KANSL1L: variants seen among roughly 807,000 people sequenced by gnomAD.
The protein encoded by KANSL1L is KAT8 regulatory NSL complex subunit 1-like protein.
Under a neutral mutation model 108.6 loss-of-function variants are expected in KANSL1L, and 25 were observed. The ratio of observed to expected loss-of-function variants is 0.23; its 90% CI spans 0.17 to 0.32. The LOEUF (loss-of-function observed/expected upper bound fraction) is 0.32, where lower values mean the gene tolerates loss of function less well. KANSL1L is among the 10% of genes least tolerant of loss of function. The probability of loss-of-function intolerance (pLI) is 1.00; values close to 1 mark genes in which losing one functional copy is unlikely to be tolerated. For missense variants in KANSL1L, 1,137 were observed against 1,125.7 expected, an observed-to-expected ratio of 1.01 and a Z score of -0.14; for synonymous variants, 405 against 395.1, an observed-to-expected ratio of 1.03 and a Z score of -0.30.
At chr2:210,167,297 T>C (rs984847173) in intron 1 of KANSL1L, among the ~76,000 whole-genome samples, 1 of 152,046 alleles carries the variant, frequency 6.6e-6, no homozygotes, top group African/African-American at 2.4e-5. Flanking sequence ...TACTTTATAT[T>C]CAATGATGTT....
intron 9 of KANSL1L, chr2:210,030,727 A>C (rs1215911488): frequency 6.6e-6 from 1 of 152,044 alleles, no homozygotes. Context: ...GGATCTATAT[A>C]TAAAAATTGG....
intron 5 of KANSL1L, among the ~76,000 whole-genome samples, chr2:210,078,795 T>A (rs184642691): frequency 2.0e-5 from 3 of 152,268 alleles, no homozygotes; most frequent in African/African-American, 7.2e-5. Flanking sequence ...TCTAATGCTT[T>A]TTCCCCAGGA....
At position 210,079,322 on chromosome 2, in the gene KANSL1L, G is replaced by A. The variant is rs188525548; in HGVS notation, c.1551-3566C>T. Reference sequence around the variant, plus strand: ...ATCAAAATATAATTATCGGCTGGGCGCAGTGGCTCACACCTGTAATTCCAG... The same window carrying A: ...ATCAAAATATAATTATCGGCTGGGCACAGTGGCTCACACCTGTAATTCCAG... On this transcript the variant is annotated intron_variant, in intron 5 of 14. Transcript: ENST00000281772. 3.1e-3 allele frequency among the ~76,000 whole-genome samples: 465 copies of A among 151,902 alleles called. 2 individuals are homozygous for A. The highest frequency in any genetic ancestry group is 0.01 in the African/African-American group (434 of 41,416).
intron 8 of KANSL1L, among the ~76,000 whole-genome samples, chr2:210,037,735 A>G (rs1247232849): frequency 1.3e-5 from 2 of 152,172 alleles, no homozygotes; most frequent in Non-Finnish European, 2.9e-5. Flanking sequence ...CTTTTCATCT[A>G]CATATATGTT....
At chr2:210,140,500 T>C (rs183966008) in intron 2 of KANSL1L, among the ~76,000 whole-genome samples, 1 of 152,354 alleles carries the variant, frequency 6.6e-6, no homozygotes, top group Admixed American at 6.5e-5. Context: ...CTCTATTCTG[T>C]TTCATAGGCA....
At chr2:210,045,748 C>CT (rs2094216448) in intron 6 of KANSL1L, among the ~76,000 whole-genome samples, 1 of 152,006 alleles carries the variant, frequency 6.6e-6, no homozygotes, top group African/African-American at 2.4e-5. Context: ...TTTTTCAGTA[C>CT]TTTAAGGATA....
intron 3 of KANSL1L, among the ~76,000 whole-genome samples, chr2:210,106,061 G>T (rs967625763): frequency 6.6e-6 from 1 of 152,154 alleles, no homozygotes; most frequent in African/African-American, 2.4e-5. Flanking sequence ...GAAACCATTT[G>T]ATATAGCCAG....
At chr2:210,134,471 AG>A (rs2095155980) in intron 2 of KANSL1L, among the ~76,000 whole-genome samples, 1 of 152,116 alleles carries the variant, frequency 6.6e-6, no homozygotes. Context: ...ACATATTTTA[AG>A]GGTACTATGA....
intron 5 of KANSL1L, among the ~76,000 whole-genome samples, chr2:210,091,537 G>C (rs2094693049): frequency 6.6e-6 from 1 of 152,066 alleles, no homozygotes; most frequent in African/African-American, 2.4e-5. Context: ...TTAGCACTCA[G>C]GAAATGCCCC....
At chr2:210,063,410 AG>A (rs2094438780) in intron 6 of KANSL1L, among the ~76,000 whole-genome samples, 1 of 152,196 alleles carries the variant, frequency 6.6e-6, no homozygotes, top group South Asian at 2.1e-4. Flanking sequence ...CTGTGAGAAG[AG>A]GGTCATTGTC....
chr2:210,032,519 A>G (rs1278696116), intron 8 of KANSL1L: 1 of 152,232 alleles, frequency 6.6e-6, no homozygotes, highest in Non-Finnish European at 1.5e-5. Context: ...AAGAAAGGAA[A>G]ACTGGGAGCA....
rs752403085 is a variant in KANSL1L at position 210,153,925 on chromosome 2, C to T, written c.658G>A (p.Val220Ile). ...SSSAAEKEEE[V>I]HARLLHCVSK... Reference sequence around the variant, plus strand: ...ACACAATGAAGTAAACGAGCATGTACTTCCTCCTCTTTTTCAGCAGCTGAA... The same window carrying T: ...ACACAATGAAGTAAACGAGCATGTATTTCCTCCTCTTTTTCAGCAGCTGAA... The change falls in exon 2 of 15, where the codon GTA becomes ATA. Residue 220 changes from valine (V) to isoleucine (I), a missense_variant. Around this residue, in one of 3 missense-constraint regions of KANSL1L, gnomAD observed 556 missense variants for 537.7 expected, o/e 1.03. Transcript: ENST00000281772. 11 of 1,613,340 alleles carry T rather than the reference C, an allele frequency of 6.8e-6. No homozygotes were observed. The highest frequency in any genetic ancestry group is 9.3e-6 in the Non-Finnish European group (11 of 1,179,984).
intron 6 of KANSL1L, among the ~76,000 whole-genome samples, chr2:210,067,849 A>G (rs911303882): frequency 1.3e-5 from 2 of 151,722 alleles, no homozygotes; most frequent in African/African-American, 4.8e-5. Context: ...GATCTGTTCA[A>G]GTCTTATGCA....
chr2:210,148,592 T>A (rs2095281516), intron 2 of KANSL1L, among the ~76,000 whole-genome samples: 1 of 152,224 alleles, frequency 6.6e-6, no homozygotes, highest in Non-Finnish European at 1.5e-5. Flanking sequence ...AAAGTGACTT[T>A]CTTTTACTTC....
At position 210,022,979 on chromosome 2, in the gene KANSL1L, T is replaced by C. The variant is rs139971678; in HGVS notation, c.2934A>G (p.Leu978=). The change falls in exon 15 of 15, where the codon CTA becomes CTG. Residue 978 remains leucine (L), a synonymous_variant. Coordinates refer to ENST00000281772, the MANE Select transcript of KANSL1L (RefSeq NM_152519.4). ...DGMEEYKTFG[L]GLTNVKKNR is the part of the protein sequence containing the mutation. ...TATTTTTTTTAACATTAGTAAGTCC[T>C]AGACCAAAGGTTTTGTATTCTTCCA... The C allele has an allele frequency of 2.2e-4, 349 of 1,613,794 alleles. 1 individual carries two copies. In the East Asian group the frequency reaches 6.2e-3, roughly 29 times the overall value.
rs751833348 is a variant in KANSL1L, at chr2:210,154,451, G to A, written c.132C>T (p.Thr44=). 1.9e-6 allele frequency: 3 copies of A among 1,613,410 alleles called. No individual in the cohort carries two copies. Among genetic ancestry groups the A allele is most frequent in the Non-Finnish European group, 2.5e-6 (3 of 1,179,754 alleles). ...TTGGAAATCCAAGCATCTGAGAAAAGGTGTCTCCCTTTAGCTTTTCATCTA... is the reference window on the plus strand; with the variant it reads ...TTGGAAATCCAAGCATCTGAGAAAAAGTGTCTCCCTTTAGCTTTTCATCTA... The part of the protein sequence containing the change: ...RTVDEKLKGD[T]FSQMLGFPTP... The change falls in exon 2 of 15, where the codon ACC becomes ACT. Residue 44 remains threonine, a synonymous_variant. Coordinates refer to ENST00000281772, the MANE Select transcript of KANSL1L (RefSeq NM_152519.4).
At chr2:210,104,066 G>A in intron 4 of KANSL1L, 38 bp downstream of exon 4, 2 of 1,491,224 alleles carry the variant, frequency 1.3e-6, no homozygotes, top group Non-Finnish European at 1.9e-6. Flanking sequence ...TCAATGAAAA[G>A]TCATTTCATA....
intron 1 of KANSL1L, among the ~76,000 whole-genome samples, chr2:210,157,492 C>G (rs896868675): frequency 6.6e-6 from 1 of 151,804 alleles, no homozygotes; most frequent in South Asian, 2.1e-4. Flanking sequence ...CCCTGGAGTT[C>G]GAGACCAGCC....
intron 8 of KANSL1L, among the ~76,000 whole-genome samples, chr2:210,036,204 T>TA (rs2094101337): frequency 6.6e-6 from 1 of 152,110 alleles, no homozygotes; most frequent in African/African-American, 2.4e-5. Context: ...CTTTTTAAGA[T>TA]AGAGTCTCAC....
Sources: allele counts gnomAD v4.1 joint callset (sites outside exome capture counted in the v4.1 genomes callset), GRCh38; gene constraint gnomAD v4.1.1; regional missense constraint gnomAD v4.1.1; transcripts MANE v1.5; gene names NCBI Gene and HGNC (gene_info 2026-07-23, HGNC 2026-07-21).